MCF2: variants seen among roughly 807,000 people sequenced by gnomAD.
MCF2 encodes proto-oncogene DBL.
MCF2 carries 44 observed loss-of-function variants against 82.5 expected under a neutral mutation model. The ratio of observed to expected loss-of-function variants is 0.53; its 90% CI spans 0.42 to 0.69. The LOEUF (loss-of-function observed/expected upper bound fraction) is 0.69. Among genes scored for constraint, MCF2 ranks in the 30% least tolerant of loss-of-function variants. MCF2 has a pLI of 0.00. For synonymous variants in MCF2, 217 were observed against 224.9 expected, an observed-to-expected ratio of 0.96 and a Z score of 0.32; for missense variants, 623 against 663.1, an observed-to-expected ratio of 0.94 and a Z score of 0.66.
upstream of MCF2, among the ~76,000 whole-genome samples, chrX:139,643,033 TTC>T (rs1170727746): frequency 8.9e-6 from 1 of 112,026 alleles, no homozygotes; most frequent in Non-Finnish European, 1.9e-5. Flanking sequence ...CTGTTTTGTT[TTC>T]TCTGTTATTG....
intron 1 of MCF2, among the ~76,000 whole-genome samples, chrX:139,636,159 C>T (rs1933206164): frequency 9.0e-6 from 1 of 111,213 alleles, no homozygotes; most frequent in Non-Finnish European, 1.9e-5. Flanking sequence ...TGGATAAAGG[C>T]TAGCTTAAGG....
At chrX:139,640,454 C>T (rs1933497172) in intron 1 of MCF2, among the ~76,000 whole-genome samples, 2 of 111,649 alleles carry the variant, frequency 1.8e-5, no homozygotes, top group African/African-American at 6.5e-5. Context: ...TGTCAAGTGA[C>T]GTCAGGAGGA....
intron 6 of MCF2, among the ~76,000 whole-genome samples, chrX:139,622,424 T>C (rs1438034546): frequency 5.4e-5 from 6 of 111,772 alleles, no homozygotes; most frequent in Non-Finnish European, 9.4e-5. Context: ...TAAAGACATA[T>C]GCACACGTAT....
At chrX:139,680,604 C>T (rs10442492) in intron 1 of MCF2, among the ~76,000 whole-genome samples, 10,398 of 111,602 alleles carry the variant, frequency 0.093, 1,216 homozygotes, top group African/African-American at 0.32. Flanking sequence ...AAACATACTA[C>T]CTTAGCAATA....
chrX:139,632,245 T>G (rs767178559), intron 2 of MCF2, 90 bp downstream of exon 5: 6 of 716,716 alleles, frequency 8.4e-6, no homozygotes, highest in Middle Eastern at 4.0e-4. Flanking sequence ...TTCTTTTAAA[T>G]GACACATGGG....
intron 11 of MCF2, 131 bp downstream of exon 15, chrX:139,610,170 G>A (rs1931392487): frequency 6.9e-6 from 3 of 435,757 alleles, no homozygotes; most frequent in Non-Finnish European, 1.2e-5. Flanking sequence ...TGCAGCAGCA[G>A]CTTTTTTTCT....
Position 139,583,473 on chromosome X carries a change from G to A in MCF2, c.2746-970C>T, listed in dbSNP as rs6635887. ...AGCAAGGTGGATGCAGCTGGAAACC[G>A]TTATCCTAAGCAAATTAACGCAGGA... On this transcript the variant is annotated intron_variant, in intron 24 of 24. Transcript: ENST00000370576. 6.4e-3 allele frequency among the ~76,000 whole-genome samples: 711 copies of A among 111,529 alleles called. 5 individuals carry two copies. Among genetic ancestry groups the A allele is most frequent in the African/African-American group, 0.021 (656 of 30,710 alleles).
intron 1 of MCF2, among the ~76,000 whole-genome samples, chrX:139,636,073 T>G (rs1933199066): frequency 9.0e-6 from 1 of 111,708 alleles, no homozygotes; most frequent in African/African-American, 3.3e-5. Context: ...AAAATATTAA[T>G]AAGATAGTTT....
intron 1 of MCF2, among the ~76,000 whole-genome samples, chrX:139,692,513 C>A (rs1935297449): frequency 8.9e-6 from 1 of 111,867 alleles, no homozygotes; most frequent in Non-Finnish European, 1.9e-5. Flanking sequence ...TGAAAGGAGG[C>A]GGGGGCTGTG....
At chrX:139,634,217 G>GA (rs1261389398) in intron 1 of MCF2, among the ~76,000 whole-genome samples, 1 of 111,038 alleles carries the variant, frequency 9.0e-6, no homozygotes, top group Non-Finnish European at 1.9e-5. Context: ...CAAAATATAT[G>GA]AAAAATGTTC....
chrX:139,623,790 ATAAAT>A (rs1226377697), intron 6 of MCF2, among the ~76,000 whole-genome samples: 1 of 112,109 alleles, frequency 8.9e-6, no homozygotes, highest in African/African-American at 3.2e-5. Flanking sequence ...AAATAAAGAA[ATAAAT>A]GGAGAGAAGG....
chrX:139,673,516 T>C (rs937378862), intron 1 of MCF2, among the ~76,000 whole-genome samples: 5 of 112,156 alleles, frequency 4.5e-5, no homozygotes, highest in African/African-American at 1.3e-4. Context: ...GTACATTGTG[T>C]CTTTGTTCTC....
At chrX:139,615,360 T>C (rs1035284419) in intron 9 of MCF2, among the ~76,000 whole-genome samples, 2 of 111,724 alleles carry the variant, frequency 1.8e-5, no homozygotes, top group Non-Finnish European at 3.8e-5. Context: ...AAAGAAGGCA[T>C]ATTGCTCTTT....
intron 7 of MCF2, among the ~76,000 whole-genome samples, chrX:139,619,185 T>C (rs917254069): frequency 9.0e-6 from 1 of 111,173 alleles, no homozygotes; most frequent in Non-Finnish European, 1.9e-5. Flanking sequence ...CTTGTTCTTA[T>C]TGGTGGGCTT....
At chrX:139,667,102 A>G (rs1934543040) in intron 1 of MCF2, among the ~76,000 whole-genome samples, 1 of 110,025 alleles carries the variant, frequency 9.1e-6, no homozygotes, top group Non-Finnish European at 1.9e-5. Flanking sequence ...TAAACTTCTC[A>G]TTCATACCCT....
At chrX:139,647,395 G>T (rs187250868), upstream of MCF2, among the ~76,000 whole-genome samples, 98 of 111,950 alleles carry the variant, frequency 8.8e-4, 1 homozygote, top group African/African-American at 3.0e-3. Flanking sequence ...AACAACAAAA[G>T]GAATGATGGC....
intron 1 of MCF2, among the ~76,000 whole-genome samples, chrX:139,687,299 T>C (rs908848359): frequency 3.5e-5 from 4 of 112,809 alleles, no homozygotes; most frequent in African/African-American, 9.7e-5. Context: ...GATTCTTACA[T>C]CTGCCATAAA....
chrX:139,692,574 T>A (rs996579097), intron 1 of MCF2, among the ~76,000 whole-genome samples: 131 of 111,602 alleles, frequency 1.2e-3, no homozygotes, highest in Non-Finnish European at 1.3e-3. Context: ...AGATTCCCAT[T>A]TTCGAGGGAC....
At chrX:139,610,423 A>T in intron 10 of MCF2, 85 bp from the exon 15 acceptor site, 1 of 537,007 alleles carries the variant, frequency 1.9e-6, no homozygotes, top group Non-Finnish European at 2.9e-6. Context: ...TTATTAAATA[A>T]CTTGAGTTAA....
Sources: allele counts gnomAD v4.1 joint callset (sites outside exome capture counted in the v4.1 genomes callset), GRCh38; gene constraint gnomAD v4.1.1; transcripts MANE v1.5; gene names NCBI Gene and HGNC (gene_info 2026-07-23, HGNC 2026-07-21).